PCDHA6: variants seen among roughly 807,000 people sequenced by gnomAD.
The protein encoded by PCDHA6 is protocadherin alpha 6.
Under a neutral mutation model 60.3 loss-of-function variants are expected in PCDHA6, and 55 were observed. The ratio of observed to expected loss-of-function variants is 0.91; its 90% confidence interval spans 0.73 to 1.14. PCDHA6 has a LOEUF of 1.14. PCDHA6 is among the 50% of genes most tolerant of loss of function. The pLI, the probability that PCDHA6 is intolerant of heterozygous loss-of-function variation, is 0.00. For missense variants in PCDHA6, 1,327 were observed against 1,256.5 expected (o/e 1.06, Z -0.85); for synonymous variants, 652 against 557.9 (o/e 1.17, Z -2.38).
intron 1 of PCDHA6, among the ~76,000 whole-genome samples, chr5:140,892,881 A>G (rs1562868071): frequency 6.6e-6 from 1 of 152,120 alleles, no homozygotes. Context: ...TTTCGTATCC[A>G]TTAACCAACC....
chr5:140,869,508 C>G, intron 1 of PCDHA6: 1 of 1,614,196 alleles, frequency 6.2e-7, no homozygotes. Context: ...TGTTCTCGCT[C>G]AGAGAACAAA....
At chr5:140,861,535 G>A (rs1014652583) in intron 1 of PCDHA6, 3 of 446,466 alleles carry the variant, frequency 6.7e-6, no homozygotes, top group East Asian at 1.3e-4. Context: ...TCGGAGTGCA[G>A]CATCCACCTG....
At chr5:140,948,447 A>G (rs2094256090) in intron 1 of PCDHA6, among the ~76,000 whole-genome samples, 1 of 151,282 alleles carries the variant, frequency 6.6e-6, no homozygotes, top group Non-Finnish European at 1.5e-5. Flanking sequence ...TGTGCCAGGG[A>G]TTTTCTTTTA....
At chr5:140,858,328 G>T (rs782462952) in intron 1 of PCDHA6, 1 of 1,596,534 alleles carries the variant, frequency 6.3e-7, no homozygotes, top group South Asian at 1.1e-5. Context: ...GTTCTGGGGA[G>T]GGCCTGCCCA....
intron 1 of PCDHA6, chr5:140,876,527 T>C (rs2056400042): frequency 6.2e-6 from 10 of 1,614,112 alleles, no homozygotes; most frequent in Non-Finnish European, 7.6e-6. Context: ...GAAGTAATGG[T>C]TACTTCACTG....
intron 1 of PCDHA6, chr5:140,841,263 GT>G (rs1777118084): frequency 6.6e-7 from 1 of 1,521,614 alleles, no homozygotes; most frequent in African/African-American, 1.4e-5. Flanking sequence ...GACTCTGAAA[GT>G]ACAGTCGTTC....
chr5:140,955,696 A>G (rs373393526), intron 1 of PCDHA6, among the ~76,000 whole-genome samples: 6 of 152,184 alleles, frequency 3.9e-5, no homozygotes, highest in East Asian at 1.9e-4. Flanking sequence ...GATGAATGTC[A>G]ATGGAAGTTT....
intron 1 of PCDHA6, chr5:140,876,058 C>T (rs781906188): frequency 6.2e-7 from 1 of 1,613,868 alleles, no homozygotes; most frequent in Middle Eastern, 1.6e-4. Context: ...TGAATTAGTT[C>T]TTCGGAAGTT....
At chr5:140,909,505 G>A (rs2074548695) in intron 1 of PCDHA6, among the ~76,000 whole-genome samples, 1 of 152,168 alleles carries the variant, frequency 6.6e-6, no homozygotes. Flanking sequence ...GGATGTGGTG[G>A]GAATCACAAC....
At chr5:140,892,702 A>C (rs1391662001) in intron 1 of PCDHA6, among the ~76,000 whole-genome samples, 1 of 152,240 alleles carries the variant, frequency 6.6e-6, no homozygotes, top group Non-Finnish European at 1.5e-5. Flanking sequence ...AAATCAGGGT[A>C]ATTAGCATAT....
At chr5:140,915,803 A>G (rs2077309798) in intron 1 of PCDHA6, among the ~76,000 whole-genome samples, 1 of 152,026 alleles carries the variant, frequency 6.6e-6, no homozygotes, top group Admixed American at 6.6e-5. Flanking sequence ...ACTACCACCT[A>G]TGTTCACTCA....
rs140013560 is a variant in PCDHA6 at position 140,850,963 on chromosome 5, C to A, written c.2394+20478C>A. On this transcript the variant is annotated intron_variant, in intron 1 of 3. Coordinates refer to ENST00000529310, the MANE Select transcript of PCDHA6 (RefSeq NM_018909.4). The stretch of plus-strand genomic sequence containing the variant: ...AGATATTATCGATTACTCCCAGGGG[C>A]CGTTCAAATAGTTTTATTCATTTTT... The A allele has an allele frequency of 5.0e-4, 731 of 1,472,590 alleles. 40 individuals carry two copies. The African/African-American group carries it at 9.3e-3, about 19-fold the overall frequency. The allele number at this position is 1,472,590 out of a possible 1,614,324, so 91.2% of individuals were successfully genotyped here.
intron 1 of PCDHA6, among the ~76,000 whole-genome samples, chr5:140,936,094 T>C (rs2090766117): frequency 6.6e-6 from 1 of 152,116 alleles, no homozygotes; most frequent in South Asian, 2.1e-4. Flanking sequence ...GGTTTCACCA[T>C]GTTGGCCAGG....
At chr5:140,881,729 A>G (rs2058810929) in intron 1 of PCDHA6, among the ~76,000 whole-genome samples, 1 of 152,206 alleles carries the variant, frequency 6.6e-6, no homozygotes. Flanking sequence ...CTTGAAAAAT[A>G]TTACAGGAAG....
chr5:140,981,101 G>A (rs1484209084), intron 2 of PCDHA6, among the ~76,000 whole-genome samples: 1 of 152,196 alleles, frequency 6.6e-6, no homozygotes, highest in Non-Finnish European at 1.5e-5. Flanking sequence ...TTTAATGAGT[G>A]AATTTCTACT....
chr5:140,837,994 C>CT lies in PCDHA6; in HGVS notation c.2394+7517dup, dbSNP rs2150281652. Among the ~76,000 whole-genome samples, 95 of 150,614 alleles carry CT rather than the reference C, an allele frequency of 6.3e-4. 1 individual carries two copies. Among genetic ancestry groups the CT allele is most frequent in the African/African-American group, 9.0e-4 (37 of 40,918 alleles). On this transcript the variant is annotated intron_variant, in intron 1 of 3. Transcript: ENST00000529310. ...ACACCCAGCCTGCCTTTCATCTTTC[C>CT]TTTTTTTTAAAAAAAGAAGTGATTA... is the stretch of plus-strand genomic sequence containing the variant.
intron 1 of PCDHA6, among the ~76,000 whole-genome samples, chr5:140,898,157 G>A (rs1455235992): frequency 1.3e-5 from 2 of 152,162 alleles, no homozygotes; most frequent in South Asian, 4.1e-4. Context: ...CACGCTGATG[G>A]TGGTTTCTTT....
In PCDHA6 at chr5:140,872,829, G is replaced by GA. The variant is rs1562676145; in HGVS notation, c.2394+42350dup. ...AAGTTTTTCAGATTCATCTAGCAGA[G>GA]AAAAAATTAAATATATTAATGTGAG... is the stretch of plus-strand genomic sequence containing the variant. On this transcript the variant is annotated intron_variant, in intron 1 of 3. Transcript: ENST00000529310. Among the ~76,000 whole-genome samples, 5 of 152,156 alleles carry GA rather than the reference G, an allele frequency of 3.3e-5. No homozygotes were observed. The South Asian group carries it at 8.3e-4, about 25-fold the overall frequency.
At chr5:140,975,491 C>T (rs2153807371) in intron 1 of PCDHA6, among the ~76,000 whole-genome samples, 1 of 152,274 alleles carries the variant, frequency 6.6e-6, no homozygotes, top group Middle Eastern at 3.4e-3. Flanking sequence ...TATCAATGTT[C>T]ATAAAATAGC....
Sources: gnomAD v4.1 joint callset for allele counts (sites outside exome capture counted in the v4.1 genomes callset) on GRCh38, gnomAD v4.1.1 for gene constraint, MANE v1.5 for transcripts, NCBI Gene and HGNC (gene_info 2026-07-23, HGNC 2026-07-21) for gene names.